Variants in DMD observed in about 807,000 individuals in gnomAD.
DMD encodes the protein mutant dystrophin.
In DMD, 63 loss-of-function variants were observed where a neutral mutation model predicts 330.1. The ratio of observed to expected loss-of-function variants is 0.19; its 90% confidence interval spans 0.16 to 0.24. DMD has a LOEUF of 0.24. DMD is among the 10% of genes least tolerant of loss of function. DMD has a pLI of 1.00. For synonymous variants in DMD, 1,223 were observed against 959.8 expected (o/e 1.27, Z -5.07); for missense variants, 3,344 against 2,684.1 (o/e 1.25, Z -5.43).
chrX:31,393,492 C>CA (rs1308905111), intron 60 of DMD, among the ~76,000 whole-genome samples: 1,356 of 72,266 alleles, frequency 0.019, 14 homozygotes, highest in African/African-American at 0.06. Flanking sequence ...AAAAAAAAAA[C>CA]AAAAAAAAAA....
chrX:31,632,777 T>C lies in DMD; in HGVS notation c.8028-4915A>G, dbSNP rs542492570. On this transcript the variant is annotated intron_variant, in intron 54 of 78. Transcript: ENST00000357033. ...TTCCTGTAACCATAACAGTTCCTAC[T>C]AGTTTGCTAGTAAATTGCATTTTGA... Among the ~76,000 whole-genome samples, 5 of 112,198 alleles carry C rather than the reference T, an allele frequency of 4.5e-5. No individual in the cohort carries two copies. In the South Asian group the frequency reaches 1.8e-3, roughly 41 times the overall value.
At chrX:33,198,051 C>T (rs1220592955) in intron 1 of DMD, among the ~76,000 whole-genome samples, 1 of 111,077 alleles carries the variant, frequency 9.0e-6, no homozygotes, top group African/African-American at 3.3e-5. Context: ...TTAGAAAGAC[C>T]CAGTTCCTTT....
At chrX:31,317,214 G>T (rs1352718511) in intron 62 of DMD, among the ~76,000 whole-genome samples, 2 of 111,627 alleles carry the variant, frequency 1.8e-5, no homozygotes, top group East Asian at 5.7e-4. Context: ...ATTTCCCATT[G>T]GTCAAGTATT....
intron 21 of DMD, among the ~76,000 whole-genome samples, chrX:32,481,888 C>T (rs1349300215): frequency 8.9e-6 from 1 of 111,746 alleles, no homozygotes; most frequent in Non-Finnish European, 1.9e-5. Context: ...ACCAGGTGTT[C>T]AAAAATATTT....
rs757605521 is a variant in DMD, at chrX:31,976,603, A to T, written c.6439-8089T>A. Among the ~76,000 whole-genome samples the T allele has an allele frequency of 6.3e-5, 7 of 111,279 alleles. No homozygotes were observed. The East Asian group carries it at 2.0e-3, about 32-fold the overall frequency. ...ATGTAGAAAATTGAGAGGCCGTATG[A>T]TTCCCCACAAATTTGAAGAAAATAG... On this transcript the variant is annotated intron_variant, in intron 44 of 78. Coordinates refer to ENST00000357033, the MANE Select transcript of DMD (RefSeq NM_004006.3).
At chrX:32,966,666 T>C (rs1353522980) in intron 2 of DMD, among the ~76,000 whole-genome samples, 1 of 111,472 alleles carries the variant, frequency 9.0e-6, no homozygotes, top group Admixed American at 9.6e-5. Context: ...AACAGTGGCA[T>C]TGAAGAGGTT....
chrX:32,306,701 ACT>A (rs942902638), intron 42 of DMD, among the ~76,000 whole-genome samples: 2 of 104,407 alleles, frequency 1.9e-5, no homozygotes, highest in Non-Finnish European at 4.0e-5. Context: ...TCCTTCCCTC[ACT>A]CTCTTTCTTC....
At chrX:32,950,066 A>G (rs1448808107) in intron 2 of DMD, among the ~76,000 whole-genome samples, 1 of 106,976 alleles carries the variant, frequency 9.3e-6, no homozygotes, top group Non-Finnish European at 1.9e-5. Context: ...ATAGCCATGA[A>G]CTAGATTTTT....
At chrX:32,665,280 G>C (rs16990560) in intron 9 of DMD, among the ~76,000 whole-genome samples, 1,143 of 111,313 alleles carry the variant, frequency 0.01, 15 homozygotes, top group African/African-American at 0.036. Flanking sequence ...AATATGGGCT[G>C]TGGAATCAAA....
intron 2 of DMD, among the ~76,000 whole-genome samples, chrX:32,980,520 C>T (rs866505666): frequency 9.1e-6 from 1 of 109,831 alleles, no homozygotes; most frequent in Non-Finnish European, 1.9e-5. Context: ...CTTCAAATGT[C>T]TTCACTTTTC....
chrX:33,205,703 G>T (rs557759508), intron 1 of DMD, among the ~76,000 whole-genome samples: 2 of 111,751 alleles, frequency 1.8e-5, no homozygotes, highest in South Asian at 7.3e-4. Context: ...ACATTTAAAG[G>T]GTAAGCATTT....
intron 17 of DMD, among the ~76,000 whole-genome samples, chrX:32,537,439 G>A (rs758631518): frequency 9.0e-6 from 1 of 111,585 alleles, no homozygotes; most frequent in African/African-American, 3.3e-5. Flanking sequence ...ATAGAAGACA[G>A]GGAAGATATA....
intron 49 of DMD, among the ~76,000 whole-genome samples, chrX:31,828,790 C>T (rs2149458408): frequency 9.0e-6 from 1 of 110,894 alleles, no homozygotes; most frequent in East Asian, 2.8e-4. Context: ...TGAATTCTAC[C>T]AGACATTCAA....
intron 44 of DMD, among the ~76,000 whole-genome samples, chrX:32,106,035 C>T (rs1317749453): frequency 1.8e-5 from 2 of 111,523 alleles, no homozygotes; most frequent in African/African-American, 3.2e-5. Flanking sequence ...AGGCTGGAAA[C>T]GTCAAACACT....
At chrX:32,413,892 T>C (rs1269165496) in intron 29 of DMD, among the ~76,000 whole-genome samples, 1 of 109,215 alleles carries the variant, frequency 9.2e-6, no homozygotes, top group Non-Finnish European at 1.9e-5. Flanking sequence ...GGCGAATTTT[T>C]GTATTTTTAG....
intron 16 of DMD, among the ~76,000 whole-genome samples, chrX:32,559,690 G>C (rs1404682934): frequency 9.0e-6 from 1 of 111,639 alleles, no homozygotes; most frequent in African/African-American, 3.2e-5. Context: ...AACATGTAAA[G>C]AAATTTTCAT....
At chrX:31,924,666 T>C (rs1049246513) in intron 47 of DMD, among the ~76,000 whole-genome samples, 3 of 112,133 alleles carry the variant, frequency 2.7e-5, no homozygotes, top group Non-Finnish European at 3.8e-5. Flanking sequence ...GTTTGTTATA[T>C]ATGTTGTATT....
chrX:32,461,809 A>AT lies in DMD; in HGVS notation c.3432+1629dup, dbSNP rs1286903514. ...TGGTATAATCTATTATTTAAGTAAT[A>AT]TTTTTTTTTTTTCCTAAACAACTCT... On this transcript the variant is annotated intron_variant, in intron 25 of 78. Transcript: ENST00000357033. 4.5e-3 allele frequency among the ~76,000 whole-genome samples: 467 copies of AT among 104,431 alleles called. 2 individuals carry two copies. Among genetic ancestry groups the AT allele is most frequent in the African/African-American group, 0.014 (405 of 29,032 alleles). 90.7% of individuals were successfully genotyped at this position (104,431 alleles called of 115,157 possible).
intron 50 of DMD, among the ~76,000 whole-genome samples, chrX:31,797,499 A>T (rs1004684302): frequency 1.1e-4 from 12 of 112,304 alleles, no homozygotes; most frequent in Admixed American, 4.7e-4. Flanking sequence ...ATTAATACTA[A>T]TTACGTCTTA....
Sources: gnomAD v4.1 joint callset for allele counts (sites outside exome capture counted in the v4.1 genomes callset) on GRCh38, gnomAD v4.1.1 for gene constraint, MANE v1.5 for transcripts, NCBI Gene and HGNC (gene_info 2026-07-23, HGNC 2026-07-21) for gene names.